Variants in CDON observed in about 807,000 individuals in gnomAD.
CDON encodes cell adhesion molecule-related/down-regulated by oncogenes.
CDON carries 73 observed loss-of-function variants against 120.9 expected under a neutral mutation model. The observed-to-expected ratio is 0.60, with a 90% CI of 0.50 to 0.73. The LOEUF (loss-of-function observed/expected upper bound fraction) is 0.73. CDON is among the 30% of genes least tolerant of loss of function. The pLI, the probability that CDON is intolerant of heterozygous loss-of-function variation, is 0.00. For synonymous variants in CDON, 566 were observed against 573.5 expected, an observed-to-expected ratio of 0.99 and a Z score of 0.19; for missense variants, 1,470 against 1,587.3, an observed-to-expected ratio of 0.93 and a Z score of 1.26.
chr11:126,003,814 C>T lies in CDON; in HGVS notation c.2026+88G>A, dbSNP rs1947030867. The stretch of plus-strand genomic sequence containing the variant: ...CAGCCTGCGTGACAGAGCAAGACTC[C>T]ATCTCAAAAAAAATAAATTAATAAT... On this transcript the variant is annotated intron_variant, in intron 10 of 19. Coordinates refer to ENST00000531738, the MANE Select transcript of CDON (RefSeq NM_001378964.1). 6.6e-6 allele frequency: 8 copies of T among 1,203,908 alleles called. No individual in the cohort carries two copies. In the South Asian group the frequency reaches 1.0e-4, roughly 15 times the overall value. 74.6% of individuals were successfully genotyped at this position (1,203,908 alleles called of 1,614,324 possible). A position where few individuals can be genotyped will look rare whatever the true frequency, so the allele number is the denominator to read the frequency against.
At position 126,019,551 on chromosome 11, in the gene CDON, C is replaced by G. The variant is rs973753936; in HGVS notation, c.496+68G>C. The G allele has an allele frequency of 1.9e-6, 3 of 1,558,798 alleles. No individual in the cohort carries two copies. The African/African-American group carries it at 4.1e-5, about 21-fold the overall frequency. On this transcript the variant is annotated intron_variant, in intron 4 of 19. Transcript: ENST00000531738. ...CACAGTTCGTCCCTAGCACACAGAG[C>G]TTAGAAGTAGCTTATTTAATGAGCA...
chr11:125,970,741 C>T (rs1945958153), intron 18 of CDON, among the ~76,000 whole-genome samples: 1 of 152,112 alleles, frequency 6.6e-6, no homozygotes, highest in African/African-American at 2.4e-5. Context: ...TGAGTGACAA[C>T]AAATGACTGA....
At chr11:126,027,806 T>A (rs59358835) in intron 1 of CDON, among the ~76,000 whole-genome samples, 1,754 of 150,644 alleles carry the variant, frequency 0.012, 33 homozygotes, top group African/African-American at 0.04. Context: ...AGGACAACCA[T>A]CCTACTCTAC....
chr11:126,053,513 C>T (rs1948617123), intron 1 of CDON, among the ~76,000 whole-genome samples: 1 of 152,120 alleles, frequency 6.6e-6, no homozygotes, highest in African/African-American at 2.4e-5. Context: ...CCGCTCTGAT[C>T]GGTCATCTGA....
In CDON at chr11:125,970,250, C is replaced by T. The variant is rs183951714; in HGVS notation, c.3356+8054G>A. On this transcript the variant is annotated intron_variant, in intron 18 of 19. Transcript: ENST00000531738. ...AGTGCAGTGGCGCGATCTCGACTCA[C>T]CGCAACCTCTGCCTCCCGGATTCAA... Among the ~76,000 whole-genome samples the T allele has an allele frequency of 2.6e-3, 388 of 149,322 alleles. 9 individuals carry two copies. The East Asian group carries it at 0.066, about 26-fold the overall frequency.
chr11:126,035,293 C>A (rs1341581443), intron 1 of CDON, among the ~76,000 whole-genome samples: 1 of 152,192 alleles, frequency 6.6e-6, no homozygotes. Context: ...TGCAAATAAA[C>A]TTGAATCAAC....
rs886047978 is a variant in CDON at position 126,021,503 on chromosome 11, T to C, written c.94A>G (p.Thr32Ala). 2.2e-5 allele frequency: 35 copies of C among 1,613,706 alleles called. No homozygotes were observed. The highest frequency in any genetic ancestry group is 2.8e-5 in the Non-Finnish European group (33 of 1,179,884). Reference protein sequence around the residue: ...SVSSDLAPYFTSEPLSAVQKL... With the variant: ...SVSSDLAPYFASEPLSAVQKL... ...TGGACAGCAGAGAGCGGCTCAGAAG[T>C]AAAATAAGGTGCCAAGTCTACAAGG... The change falls in exon 3 of 20, where the codon ACT becomes GCT. Residue 32 changes from threonine to alanine, a missense_variant. Coordinates refer to ENST00000531738, the MANE Select transcript of CDON (RefSeq NM_001378964.1).
intron 1 of CDON, among the ~76,000 whole-genome samples, chr11:126,052,506 A>G (rs1424499486): frequency 2.6e-5 from 4 of 152,208 alleles, no homozygotes; most frequent in Non-Finnish European, 5.9e-5. Context: ...CTACAGACCA[A>G]AAATATTTGG....
chr11:126,009,079 GCAGTGATTTGCCCTT>G (rs1017800699), intron 8 of CDON, among the ~76,000 whole-genome samples: 1 of 152,188 alleles, frequency 6.6e-6, no homozygotes, highest in Non-Finnish European at 1.5e-5. Context: ...ACAGAGAAGT[GCAGTGATTTGCCCTT>G]GGGTTACAAA....
At chr11:125,993,981 G>A (rs1408453085) in intron 14 of CDON, among the ~76,000 whole-genome samples, 1 of 152,106 alleles carries the variant, frequency 6.6e-6, no homozygotes, top group East Asian at 1.9e-4. Context: ...ACATTATAAT[G>A]GATTTTTATA....
At chr11:126,049,621 C>CA (rs1194031467) in intron 1 of CDON, among the ~76,000 whole-genome samples, 1 of 152,162 alleles carries the variant, frequency 6.6e-6, no homozygotes, top group Admixed American at 6.6e-5. Flanking sequence ...AATGCCAAAA[C>CA]ATTTGTTTTG....
intron 3 of CDON, among the ~76,000 whole-genome samples, chr11:126,020,482 T>C (rs897152262): frequency 6.6e-6 from 1 of 152,190 alleles, no homozygotes; most frequent in Non-Finnish European, 1.5e-5. Context: ...CTCAGCAGCC[T>C]GCCACGAGGA....
intron 1 of CDON, among the ~76,000 whole-genome samples, chr11:126,048,562 A>G (rs1379721761): frequency 1.3e-5 from 2 of 152,232 alleles, no homozygotes; most frequent in African/African-American, 4.8e-5. Context: ...AAATAATTCA[A>G]TTTCATTAGA....
intron 18 of CDON, among the ~76,000 whole-genome samples, chr11:125,971,564 T>C (rs1376126774): frequency 6.6e-6 from 1 of 152,156 alleles, no homozygotes; most frequent in Non-Finnish European, 1.5e-5. Flanking sequence ...CTGAAGTCAT[T>C]TGTAGTATCT....
At chr11:125,970,626 A>G (rs748260275) in intron 18 of CDON, among the ~76,000 whole-genome samples, 4 of 152,124 alleles carry the variant, frequency 2.6e-5, no homozygotes, top group Non-Finnish European at 4.4e-5. Context: ...TCCCTTCTCG[A>G]TATCTGCTCT....
chr11:125,975,787 T>G (rs7120877), intron 18 of CDON, among the ~76,000 whole-genome samples: 1 of 152,324 alleles, frequency 6.6e-6, no homozygotes, highest in Admixed American at 6.5e-5. Context: ...AAGTCGCCTA[T>G]TCATTCTTAT....
In CDON at chr11:126,056,483, T is replaced by G. The variant is rs544777070; in HGVS notation, c.-62+6096A>C. On this transcript the variant is annotated intron_variant, in intron 1 of 19. Coordinates refer to ENST00000531738, the MANE Select transcript of CDON (RefSeq NM_001378964.1). ...GTCAGATTTAATAAAATTATAAATG[T>G]TGAAAAATACAATGTCTCCTGAGAG... Among the ~76,000 whole-genome samples, 3 of 152,294 alleles carry G rather than the reference T, an allele frequency of 2.0e-5. No individual in the cohort carries two copies. In the South Asian group the frequency reaches 6.2e-4, roughly 32 times the overall value.
rs533351463 is a variant in CDON, at chr11:126,032,969, C to T, written c.-61-9432G>A. 9.2e-5 allele frequency among the ~76,000 whole-genome samples: 14 copies of T among 152,290 alleles called. No homozygotes were observed. In the South Asian group the frequency reaches 1.2e-3, roughly 14 times the overall value. On this transcript the variant is annotated intron_variant, in intron 1 of 19. Coordinates refer to ENST00000531738, the MANE Select transcript of CDON (RefSeq NM_001378964.1). ...GCTGCAGTGAGCTATGATCGCACCA[C>T]TGTACTCCTAGCCTGGGTGACAGAG...
chr11:125,963,967 A>G (rs1945720550), intron 18 of CDON, among the ~76,000 whole-genome samples: 1 of 152,192 alleles, frequency 6.6e-6, no homozygotes, highest in Non-Finnish European at 1.5e-5. Flanking sequence ...AGCATTCCCA[A>G]CTTACTCTCT....
Sources: gnomAD v4.1 joint callset for allele counts (sites outside exome capture counted in the v4.1 genomes callset) on GRCh38, gnomAD v4.1.1 for gene constraint, MANE v1.5 for transcripts, NCBI Gene and HGNC (gene_info 2026-07-23, HGNC 2026-07-21) for gene names.